POU6F2: variants seen among roughly 807,000 people sequenced by gnomAD.
The protein encoded by POU6F2 is POU class 6 homeobox 2, also known as POU domain, class 6, transcription factor 2.
In POU6F2, 31 loss-of-function variants were observed where a neutral mutation model predicts 71.3. The observed-to-expected ratio is 0.43, with a 90% CI of 0.33 to 0.59. The LOEUF (loss-of-function observed/expected upper bound fraction) is 0.59, where lower values mean the gene tolerates loss of function less well. Ranked by LOEUF, POU6F2 falls within the 20% of genes least tolerant of loss-of-function variation. The pLI is 0.04. For missense variants in POU6F2, 783 were observed against 856.8 expected (o/e 0.91, Z 1.07); for synonymous variants, 347 against 355.7 (o/e 0.98, Z 0.27).
intron 1 of POU6F2, among the ~76,000 whole-genome samples, chr7:39,040,395 C>A (rs1445929583): frequency 6.6e-6 from 1 of 151,110 alleles, no homozygotes; most frequent in Non-Finnish European, 1.5e-5. Flanking sequence ...ATCTTTAAGA[C>A]ATATTTTGTG....
chr7:39,314,714 G>A (rs145247392), intron 4 of POU6F2, among the ~76,000 whole-genome samples: 15 of 152,162 alleles, frequency 9.9e-5, no homozygotes, highest in East Asian at 7.7e-4. Flanking sequence ...TGTTGGAACC[G>A]AAATTAATCA....
intron 6 of POU6F2, among the ~76,000 whole-genome samples, chr7:39,407,435 T>C (rs567291940): frequency 1.3e-5 from 2 of 149,056 alleles, no homozygotes; most frequent in South Asian, 4.4e-4. Flanking sequence ...ATAATGTTCA[T>C]ACTAGATCCT....
chr7:39,185,839 GTA>G (rs1307335726), intron 2 of POU6F2, among the ~76,000 whole-genome samples: 1 of 109,680 alleles, frequency 9.1e-6, no homozygotes, highest in Non-Finnish European at 1.8e-5. Flanking sequence ...ATATGTATAT[GTA>G]TATGTATATG....
intron 2 of POU6F2, among the ~76,000 whole-genome samples, chr7:39,151,182 T>A (rs1792751324): frequency 6.6e-6 from 1 of 152,204 alleles, no homozygotes; most frequent in Non-Finnish European, 1.5e-5. Context: ...CTGCTTCTTC[T>A]AGAGAGTTCT....
chr7:39,014,432 C>A (rs1265279232), intron 1 of POU6F2, among the ~76,000 whole-genome samples: 1 of 152,110 alleles, frequency 6.6e-6, no homozygotes, highest in Non-Finnish European at 1.5e-5. Flanking sequence ...ATTAATTTTA[C>A]AGAAATGATA....
At position 39,010,550 on chromosome 7, in the gene POU6F2, T is replaced by G. The variant is rs1260320370; in HGVS notation, c.105+32492T>G. On this transcript the variant is annotated intron_variant, in intron 1 of 9. Coordinates refer to ENST00000518318, the MANE Select transcript of POU6F2 (RefSeq NM_001370959.1). ...CAGTTGTGCTCTGATTTTAGTTATTTCTTGCCTTCTGCTAGCTTTTGAATG... is the reference window on the plus strand; with the variant it reads ...CAGTTGTGCTCTGATTTTAGTTATTGCTTGCCTTCTGCTAGCTTTTGAATG... Among the ~76,000 whole-genome samples the G allele has an allele frequency of 2.5e-3, 379 of 149,370 alleles. 2 individuals are homozygous for G. The highest frequency in any genetic ancestry group is 9.0e-3 in the African/African-American group (365 of 40,502).
At chr7:39,401,444 A>C (rs1382790895) in intron 5 of POU6F2, among the ~76,000 whole-genome samples, 1 of 152,220 alleles carries the variant, frequency 6.6e-6, no homozygotes. Flanking sequence ...AAAATTTAGT[A>C]GGATAAAACA....
intron 2 of POU6F2, among the ~76,000 whole-genome samples, chr7:39,088,848 G>A (rs756535180): frequency 1.4e-4 from 21 of 152,184 alleles, no homozygotes; most frequent in Non-Finnish European, 2.6e-4. Context: ...CAGAGGACAA[G>A]TCTGTTTCCC....
chr7:39,384,601 C>T (rs187322662), intron 5 of POU6F2, among the ~76,000 whole-genome samples: 66 of 152,300 alleles, frequency 4.3e-4, no homozygotes, highest in Non-Finnish European at 7.2e-4. Context: ...TGCCTCAGGG[C>T]CTTTGCACTT....
At chr7:39,243,365 AC>A (rs1403681606) in intron 4 of POU6F2, among the ~76,000 whole-genome samples, 1 of 151,982 alleles carries the variant, frequency 6.6e-6, no homozygotes, top group East Asian at 1.9e-4. Flanking sequence ...CACCCCCTGC[AC>A]CCCTTAACCA....
intron 6 of POU6F2, among the ~76,000 whole-genome samples, chr7:39,415,053 C>T (rs1562821343): frequency 6.6e-6 from 1 of 152,108 alleles, no homozygotes; most frequent in Non-Finnish European, 1.5e-5. Context: ...GACGGAGCTT[C>T]ACTCTTGTTG....
intron 1 of POU6F2, among the ~76,000 whole-genome samples, chr7:39,048,828 C>T (rs1343098430): frequency 1.3e-5 from 2 of 151,978 alleles, no homozygotes; most frequent in African/African-American, 4.8e-5. Flanking sequence ...TTTTCCACAA[C>T]TTCCCAGCAT....
rs1434725076 is a variant in POU6F2, at chr7:39,433,245, C to A, written c.1282C>A (p.Gln428Lys). The change falls in exon 7 of 10, where the codon CAG becomes AAG. Residue 428 changes from glutamine to lysine, a missense_variant. By Grantham distance (53) the Gln-to-Lys change is moderately conservative. Coordinates refer to ENST00000518318, the MANE Select transcript of POU6F2 (RefSeq NM_001370959.1). ...GNQILPVINT[Q>K]GITLSPIKPG... ...CCAGATCCTGCCCGTGATCAACACC[C>A]AGGGCATCACGCTGTCACCCATCAA... 9.3e-6 allele frequency: 15 copies of A among 1,613,800 alleles called. No individual in the cohort carries two copies. The highest frequency in any genetic ancestry group is 1.3e-5 in the Non-Finnish European group (15 of 1,179,890).
Position 39,360,255 on chromosome 7 carries a change from G to A in POU6F2, c.972+20240G>A, listed in dbSNP as rs550949545. The stretch of plus-strand genomic sequence containing the variant: ...CCTTTTGAGATATACTGCCCACAAT[G>A]CAGTTACCTATTAATTATGATTTTG... On this transcript the variant is annotated intron_variant, in intron 5 of 9. Transcript: ENST00000518318. Among the ~76,000 whole-genome samples the A allele has an allele frequency of 3.0e-4, 46 of 152,260 alleles. No homozygotes were observed. The South Asian group carries it at 5.8e-3, about 19-fold the overall frequency.
intron 1 of POU6F2, among the ~76,000 whole-genome samples, chr7:39,024,680 A>G (rs1038283360): frequency 6.6e-6 from 1 of 152,176 alleles, no homozygotes; most frequent in African/African-American, 2.4e-5. Flanking sequence ...TATACATCCC[A>G]TCAATACCTA....
chr7:39,167,739 G>T (rs971454783), intron 2 of POU6F2, among the ~76,000 whole-genome samples: 2 of 151,518 alleles, frequency 1.3e-5, no homozygotes, highest in African/African-American at 4.8e-5. Flanking sequence ...TGTATTGTTG[G>T]TGTATAGGCA....
intron 5 of POU6F2, among the ~76,000 whole-genome samples, chr7:39,340,551 T>C (rs527382550): frequency 6.6e-6 from 1 of 152,264 alleles, no homozygotes; most frequent in East Asian, 1.9e-4. Flanking sequence ...TGTCCCAGAT[T>C]CCAACCATTA....
intron 4 of POU6F2, among the ~76,000 whole-genome samples, chr7:39,230,077 G>T (rs1314226057): frequency 6.6e-6 from 1 of 152,206 alleles, no homozygotes; most frequent in Non-Finnish European, 1.5e-5. Context: ...TTTGAACTTG[G>T]GCTGTCTGGC....
intron 5 of POU6F2, among the ~76,000 whole-genome samples, chr7:39,387,990 T>C (rs970876776): frequency 6.6e-6 from 1 of 152,210 alleles, no homozygotes; most frequent in African/African-American, 2.4e-5. Flanking sequence ...AAAATAAAAA[T>C]AAAGGGACAC....
Sources: gnomAD v4.1 joint callset for allele counts (sites outside exome capture counted in the v4.1 genomes callset) on GRCh38, gnomAD v4.1.1 for gene constraint, MANE v1.5 for transcripts, NCBI Gene and HGNC (gene_info 2026-07-23, HGNC 2026-07-21) for gene names.